SREBF2: variants seen among roughly 807,000 people sequenced by gnomAD.
SREBF2 encodes the protein sterol regulatory element binding transcription factor 2, also known as sterol regulatory element-binding protein 2.
Under a neutral mutation model 113.1 loss-of-function variants are expected in SREBF2, and 55 were observed. That is an observed-to-expected ratio of 0.49 (90% confidence interval 0.39 to 0.61). SREBF2 has a LOEUF of 0.61. Ranked by LOEUF, SREBF2 falls within the 20% of genes least tolerant of loss-of-function variation. The pLI, the probability that SREBF2 is intolerant of heterozygous loss-of-function variation, is 0.00. For synonymous variants in SREBF2, 593 were observed against 605.7 expected (o/e 0.98, Z 0.31); for missense variants, 1,349 against 1,487.4 (o/e 0.91, Z 1.53).
chr22:41,869,262 A>G (rs2077116264), intron 3 of SREBF2, among the ~76,000 whole-genome samples: 1 of 150,908 alleles, frequency 6.6e-6, no homozygotes, highest in South Asian at 2.1e-4. Flanking sequence ...GTGCCACCAC[A>G]CCCGGCTAAT....
Position 41,905,717 on chromosome 22 carries a change from G to A in SREBF2, c.*57G>A. ...TCTCGATTTCTCTCTCTCCCCCTCA[G>A]CATCTTCCCGCTGAGAGTGGTGGGG... On this transcript the variant is annotated 3_prime_UTR_variant, in exon 19 of 19. Coordinates refer to ENST00000361204, the MANE Select transcript of SREBF2 (RefSeq NM_004599.4). 1 of 1,508,430 alleles carries A rather than the reference G, an allele frequency of 6.6e-7. No homozygotes were observed. Among genetic ancestry groups the A allele is most frequent in the Non-Finnish European group, 9.0e-7 (1 of 1,108,864 alleles). 93.4% of individuals were successfully genotyped at this position (1,508,430 alleles called of 1,614,324 possible). A position where few individuals can be genotyped will look rare whatever the true frequency, so the allele number is the denominator to read the frequency against.
At chr22:41,857,462 TTTCC>T (rs2076988111) in intron 1 of SREBF2, among the ~76,000 whole-genome samples, 1 of 152,202 alleles carries the variant, frequency 6.6e-6, no homozygotes, top group Admixed American at 6.5e-5. Flanking sequence ...TTCCTTTGGG[TTTCC>T]TTCATGATTC....
intron 1 of SREBF2, among the ~76,000 whole-genome samples, chr22:41,841,243 A>T (rs913516833): frequency 6.6e-6 from 1 of 152,220 alleles, no homozygotes; most frequent in Admixed American, 6.5e-5. Context: ...GCTCAGTGAG[A>T]TGAAGCACAG....
At position 41,903,112 on chromosome 22, in the gene SREBF2, G is replaced by A. The variant is rs149314298; in HGVS notation, c.3050G>A (p.Ser1017Asn). Reference protein sequence around the residue: ...ELAGFQRDLGSLRRLAHSFRP... With the variant: ...ELAGFQRDLGNLRRLAHSFRP... ...GCGGGCTTCCAACGGGACCTGGGCA[G>A]CCTGCGCAGGCTGGCACACAGCTTC... Residue 1017 changes from serine (S) to asparagine (N), a missense_variant, in exon 17 of 19, where the codon AGC (serine) becomes AAC (asparagine). Ser to Asn is a conservative substitution (Grantham distance 46). Coordinates refer to ENST00000361204, the MANE Select transcript of SREBF2 (RefSeq NM_004599.4). The A allele has an allele frequency of 4.0e-5, 63 of 1,564,418 alleles. No individual in the cohort carries two copies. In the African/African-American group the frequency reaches 7.3e-4, roughly 18 times the overall value.
In SREBF2 at chr22:41,907,246, TTCAATCAA is replaced by T. The variant is rs16443; in HGVS notation, c.*1590_*1597del. 6.6e-6 allele frequency: 1 copy of T among 152,180 alleles called. No individual in the cohort carries two copies. The highest frequency in any genetic ancestry group is 2.4e-5 in the African/African-American group (1 of 41,352). 9.4% of individuals were successfully genotyped at this position (152,180 alleles called of 1,614,324 possible). A position where few individuals can be genotyped will look rare whatever the true frequency, so the allele number is the denominator to read the frequency against. Reference sequence around the variant, plus strand: ...GGGTACACCTATAGCTTTCTTGATGTTCAATCAATCAGTCACTGTGTCCCAGACATATT... The same window carrying T: ...GGGTACACCTATAGCTTTCTTGATGTTCAGTCACTGTGTCCCAGACATATT... On this transcript the variant is annotated 3_prime_UTR_variant, in exon 19 of 19. Transcript: ENST00000361204.
chr22:41,902,134 G>A, intron 16 of SREBF2, among the ~76,000 whole-genome samples: 1 of 152,262 alleles, frequency 6.6e-6, no homozygotes, highest in East Asian at 1.9e-4. Flanking sequence ...AAGGAGGAAA[G>A]CCAGGGCTGG....
rs776823018 is a variant in SREBF2, at chr22:41,866,926, AGCAGCAGCG to A, written c.192_200del (p.Gly68_Ser70del). ...CTTTCCTGGCAGTGGTGGTAGTGGT[AGCAGCAGCG>A]GCAGCAGTGGCAGCAGCAGCAGCAG... On this transcript the variant is annotated inframe_deletion, in exon 2 of 19. Coordinates refer to ENST00000361204, the MANE Select transcript of SREBF2 (RefSeq NM_004599.4). 1.9e-4 allele frequency: 312 copies of A among 1,613,944 alleles called. 1 individual carries two copies. The African/African-American group carries it at 3.8e-3, about 20-fold the overall frequency.
In SREBF2 at chr22:41,844,031, CAT is replaced by C. The variant is rs367571850; in HGVS notation, c.88+10675_88+10676del. On this transcript the variant is annotated intron_variant, in intron 1 of 18. Transcript: ENST00000361204. ...ACCCTGTCTCAAAAAAAAAAAAATA[CAT>C]ACACACACACACACACACACACACA... 8.0e-3 allele frequency among the ~76,000 whole-genome samples: 776 copies of C among 97,398 alleles called. 9 individuals carry two copies. The highest frequency in any genetic ancestry group is 0.03 in the African/African-American group (755 of 25,442). The allele number at this position is 97,398 out of a possible 152,430, so 63.9% of individuals were successfully genotyped here.
chr22:41,894,965 C>T (rs758648924), intron 13 of SREBF2, 28 bp downstream of exon 13: 9 of 1,590,198 alleles, frequency 5.7e-6, no homozygotes, highest in Non-Finnish European at 7.8e-6. Flanking sequence ...GTCCCCCTGC[C>T]TTAGGACCTG....
At chr22:41,888,381 A>G (rs75067340) in intron 11 of SREBF2, among the ~76,000 whole-genome samples, 1 of 152,312 alleles carries the variant, frequency 6.6e-6, no homozygotes, top group African/African-American at 2.4e-5. Flanking sequence ...AGAACCTGTT[A>G]TTTTAAAAAC....
At chr22:41,845,988 G>A (rs1295641984) in intron 1 of SREBF2, among the ~76,000 whole-genome samples, 1 of 152,198 alleles carries the variant, frequency 6.6e-6, no homozygotes, top group Non-Finnish European at 1.5e-5. Flanking sequence ...TAAAGGGGTG[G>A]AAGGAGAGAG....
intron 1 of SREBF2, among the ~76,000 whole-genome samples, chr22:41,859,796 A>ATTT (rs1250099373): frequency 1.5e-4 from 13 of 89,020 alleles, no homozygotes; most frequent in African/African-American, 4.4e-4. Context: ...GGATATGGTG[A>ATTT]TTCTTTTTTT....
intron 11 of SREBF2, among the ~76,000 whole-genome samples, chr22:41,889,166 C>T (rs1439589900): frequency 5.3e-5 from 8 of 152,168 alleles, no homozygotes; most frequent in Non-Finnish European, 1.5e-5. Context: ...TGCTCTGTTG[C>T]CCAGGCTGGA....
chr22:41,846,653 C>T (rs976329650), intron 1 of SREBF2, among the ~76,000 whole-genome samples: 1 of 152,320 alleles, frequency 6.6e-6, no homozygotes, highest in Admixed American at 6.5e-5. Context: ...CATTTTGCAC[C>T]GTGCTGTCTC....
chr22:41,878,526 A>G, intron 9 of SREBF2: 1 of 475,634 alleles, frequency 2.1e-6, no homozygotes, highest in South Asian at 1.8e-5. Context: ...AAAGGCTGGT[A>G]GTGTGTCTAG....
chr22:41,906,039 G>A lies in SREBF2; in HGVS notation c.*379G>A, dbSNP rs2077505863. The A allele has an allele frequency of 2.1e-6, 1 of 478,026 alleles. No individual in the cohort carries two copies. The highest frequency in any genetic ancestry group is 4.1e-6 in the Non-Finnish European group (1 of 241,848). 29.6% of individuals were successfully genotyped at this position (478,026 alleles called of 1,614,324 possible). A position where few individuals can be genotyped will look rare whatever the true frequency, so the allele number is the denominator to read the frequency against. The stretch of plus-strand genomic sequence containing the variant: ...ATCAGGCTTTCTCTGGGGGACAGCA[G>A]TCTCTGAGCACCAGGGAGCAGTTGC... On this transcript the variant is annotated 3_prime_UTR_variant, in exon 19 of 19. Coordinates refer to ENST00000361204, the MANE Select transcript of SREBF2 (RefSeq NM_004599.4).
intron 11 of SREBF2, among the ~76,000 whole-genome samples, chr22:41,887,951 T>A (rs574907824): frequency 6.6e-6 from 1 of 152,238 alleles, no homozygotes; most frequent in South Asian, 2.1e-4. Flanking sequence ...ATAGTCTGTT[T>A]CGTTACATTC....
At chr22:41,834,075 G>A (rs1436943805) in intron 1 of SREBF2, 1 of 152,546 alleles carries the variant, frequency 6.6e-6, no homozygotes, top group African/African-American at 2.4e-5. Flanking sequence ...CTTAACAGCG[G>A]AGTGGAAGAG....
intron 11 of SREBF2, among the ~76,000 whole-genome samples, chr22:41,889,418 C>T (rs1007847364): frequency 3.3e-5 from 5 of 152,018 alleles, no homozygotes; most frequent in Admixed American, 2.0e-4. Context: ...TGCACCACCG[C>T]GCCTGGCCTC....
Sources: gnomAD v4.1 joint callset for allele counts (sites outside exome capture counted in the v4.1 genomes callset) on GRCh38, gnomAD v4.1.1 for gene constraint, MANE v1.5 for transcripts, NCBI Gene and HGNC (gene_info 2026-07-23, HGNC 2026-07-21) for gene names.